The following PCDH7 variants were observed in gnomAD, a reference collection of about 807,000 sequenced individuals.
The protein encoded by PCDH7 is protocadherin 7, also known as protocadherin-7.
A neutral mutation model predicts 58.9 loss-of-function variants in PCDH7; 17 were observed. The ratio of observed to expected loss-of-function variants is 0.29; its 90% CI spans 0.20 to 0.43. The LOEUF is 0.43. Among genes scored for constraint, PCDH7 ranks in the 20% least tolerant of loss-of-function variants. The probability of loss-of-function intolerance (pLI) is 1.00; values close to 1 mark genes in which losing one functional copy is unlikely to be tolerated. For missense variants in PCDH7, 1,274 were observed against 1,441.0 expected (o/e 0.88, Z 1.88); for synonymous variants, 664 against 616.4 (o/e 1.08, Z -1.14).
At chr4:31,040,310 A>C (rs1755752218) in intron 3 of PCDH7, among the ~76,000 whole-genome samples, 1 of 152,096 alleles carries the variant, frequency 6.6e-6, no homozygotes, top group Non-Finnish European at 1.5e-5. Flanking sequence ...TCTGATGTTT[A>C]TTACCATCTT....
At chr4:31,042,967 C>T (rs918589654) in intron 3 of PCDH7, among the ~76,000 whole-genome samples, 1 of 152,030 alleles carries the variant, frequency 6.6e-6, no homozygotes. Flanking sequence ...CAGGGTATCA[C>T]ATTCTGAGGG....
chr4:30,880,256 C>T (rs1185362317), intron 1 of PCDH7, among the ~76,000 whole-genome samples: 1 of 151,002 alleles, frequency 6.6e-6, no homozygotes, highest in East Asian at 2.0e-4. Context: ...TGGTCATTAT[C>T]CATAGTACTG....
intron 3 of PCDH7, among the ~76,000 whole-genome samples, chr4:31,031,114 T>G (rs1754878183): frequency 6.6e-6 from 1 of 152,100 alleles, no homozygotes; most frequent in Non-Finnish European, 1.5e-5. Context: ...GATGGAAAGA[T>G]CATATTTGAT....
intron 3 of PCDH7, among the ~76,000 whole-genome samples, chr4:31,065,343 G>A (rs1429190730): frequency 6.6e-6 from 1 of 151,984 alleles, no homozygotes; most frequent in Non-Finnish European, 1.5e-5. Context: ...TTAGTGGTAA[G>A]GCTGTCTGAG....
intron 3 of PCDH7, among the ~76,000 whole-genome samples, chr4:31,087,313 T>C (rs1452731681): frequency 6.6e-6 from 1 of 152,124 alleles, no homozygotes; most frequent in African/African-American, 2.4e-5. Flanking sequence ...TTATGTTTTA[T>C]AAAGATAATA....
rs184390876 is a variant in PCDH7 at position 30,868,421 on chromosome 4, T to C, written c.71-51732T>C. On this transcript the variant is annotated intron_variant, in intron 1 of 3. Transcript: ENST00000509759. Reference sequence around the variant, plus strand: ...CTTAAGTTCCTTGCTGAATTGTCTCTGCCTTTTCCTGAGCACTTACGAGCA... The same window carrying C: ...CTTAAGTTCCTTGCTGAATTGTCTCCGCCTTTTCCTGAGCACTTACGAGCA... Among the ~76,000 whole-genome samples, 5 of 152,258 alleles carry C rather than the reference T, an allele frequency of 3.3e-5. No homozygotes were observed. In the East Asian group the frequency reaches 9.7e-4, roughly 29 times the overall value.
At chr4:30,878,199 C>G (rs1736527925) in intron 1 of PCDH7, among the ~76,000 whole-genome samples, 1 of 152,012 alleles carries the variant, frequency 6.6e-6, no homozygotes. Context: ...GGTGAGGCCT[C>G]CTTCTGTCTT....
chr4:30,979,331 A>G (rs1029916809), intron 3 of PCDH7, among the ~76,000 whole-genome samples: 2 of 151,430 alleles, frequency 1.3e-5, no homozygotes, highest in Admixed American at 6.6e-5. Flanking sequence ...GTCTCAAAAA[A>G]AAAAAAAAGA....
intron 1 of PCDH7, among the ~76,000 whole-genome samples, chr4:30,808,270 G>A (rs113252050): frequency 1.9e-4 from 29 of 152,146 alleles, no homozygotes; most frequent in African/African-American, 6.0e-4. Flanking sequence ...TAAAATATTC[G>A]GTAATTTTTC....
intron 1 of PCDH7, among the ~76,000 whole-genome samples, chr4:30,822,629 T>G (rs570971078): frequency 6.6e-6 from 1 of 152,144 alleles, no homozygotes; most frequent in Non-Finnish European, 1.5e-5. Flanking sequence ...TTATATTTTT[T>G]TTTAGTTAGA....
chr4:30,811,187 G>A (rs1189836519), intron 1 of PCDH7, among the ~76,000 whole-genome samples: 1 of 152,184 alleles, frequency 6.6e-6, no homozygotes, highest in African/African-American at 2.4e-5. Flanking sequence ...CTTTCTACTG[G>A]AAGAATATTT....
intron 3 of PCDH7, among the ~76,000 whole-genome samples, chr4:31,121,068 T>C (rs545722303): frequency 6.6e-6 from 1 of 152,320 alleles, no homozygotes; most frequent in South Asian, 2.1e-4. Flanking sequence ...CCATTTATCT[T>C]AATTAACGCT....
At chr4:30,919,459 T>C (rs1578288052) in intron 1 of PCDH7, among the ~76,000 whole-genome samples, 1 of 152,306 alleles carries the variant, frequency 6.6e-6, no homozygotes, top group East Asian at 1.9e-4. Context: ...TGATTTTACT[T>C]TATTGAACGA....
intron 3 of PCDH7, among the ~76,000 whole-genome samples, chr4:31,110,902 G>A (rs1333819632): frequency 2.7e-5 from 4 of 148,852 alleles, no homozygotes; most frequent in South Asian, 2.1e-4. Context: ...ATGACAGAGC[G>A]AGACTATGTC....
chr4:30,852,758 G>A (rs1261170446), intron 1 of PCDH7, among the ~76,000 whole-genome samples: 1 of 141,800 alleles, frequency 7.1e-6, no homozygotes, highest in Non-Finnish European at 1.5e-5. Flanking sequence ...GGGGGTTAAG[G>A]TTAAGCAATT....
Position 31,073,013 on chromosome 4 carries a change from G to C in PCDH7, c.*8-69460G>C, listed in dbSNP as rs144378969. On this transcript the variant is annotated intron_variant, in intron 3 of 3. Coordinates refer to the PCDH7 transcript ENST00000509759. ...ATGTCCCAGCTAAATCTACTTGAGAGAATCAGGAAAAAATTAACAGAGAAG... is the reference window on the plus strand; with the variant it reads ...ATGTCCCAGCTAAATCTACTTGAGACAATCAGGAAAAAATTAACAGAGAAG... 4.6e-3 allele frequency among the ~76,000 whole-genome samples: 693 copies of C among 152,236 alleles called. 3 individuals carry two copies. Among genetic ancestry groups the C allele is most frequent in the Non-Finnish European group, 6.1e-3 (413 of 68,000 alleles).
At chr4:31,056,997 T>G (rs915858666) in intron 3 of PCDH7, among the ~76,000 whole-genome samples, 2 of 152,222 alleles carry the variant, frequency 1.3e-5, no homozygotes, top group Admixed American at 1.3e-4. Flanking sequence ...GATTTGTTTA[T>G]TTTTAGAAAA....
chr4:30,970,764 G>C (rs1261627433), intron 3 of PCDH7, among the ~76,000 whole-genome samples: 1 of 152,126 alleles, frequency 6.6e-6, no homozygotes, highest in Non-Finnish European at 1.5e-5. Context: ...GGCAGATGAA[G>C]GATTTTGTAT....
chr4:30,786,337 A>G (rs1488295347), intron 1 of PCDH7, among the ~76,000 whole-genome samples: 4 of 152,054 alleles, frequency 2.6e-5, no homozygotes, highest in South Asian at 4.1e-4. Context: ...CTGACAACAA[A>G]GTTACCATTT....
Sources: gnomAD v4.1 joint callset for allele counts (sites outside exome capture counted in the v4.1 genomes callset) on GRCh38, gnomAD v4.1.1 for gene constraint, MANE v1.5 for transcripts, NCBI Gene and HGNC (gene_info 2026-07-23, HGNC 2026-07-21) for gene names.